Variants in ARHGAP44 observed in about 807,000 individuals in gnomAD.
ARHGAP44 encodes the protein rho GTPase-activating protein 44.
Under a neutral mutation model 106.8 loss-of-function variants are expected in ARHGAP44, and 43 were observed. That is an observed-to-expected ratio of 0.40 (90% CI 0.32 to 0.52). ARHGAP44 has a LOEUF of 0.52. ARHGAP44 is among the 20% of genes least tolerant of loss of function. ARHGAP44 has a pLI of 0.48. For missense variants in ARHGAP44, 866 were observed against 1,050.5 expected (o/e 0.82, Z 2.43); for synonymous variants, 439 against 410.3 (o/e 1.07, Z -0.85).
rs1157325814 is a variant in ARHGAP44, at chr17:12,978,036, C to CAAAAAAAAAAAAAAAAAAA, written c.1764-2020_1764-2002dup. Among the ~76,000 whole-genome samples, 26 of 89,298 alleles carry CAAAAAAAAAAAAAAAAAAA rather than the reference C, an allele frequency of 2.9e-4. 1 individual carries two copies. The highest frequency in any genetic ancestry group is 1.1e-3 in the African/African-American group (24 of 21,024). 58.6% of individuals were successfully genotyped at this position (89,298 alleles called of 152,430 possible). A position where few individuals can be genotyped will look rare whatever the true frequency, so the allele number is the denominator to read the frequency against. On this transcript the variant is annotated intron_variant, in intron 18 of 20. Coordinates refer to ENST00000379672, the MANE Select transcript of ARHGAP44 (RefSeq NM_014859.6). The stretch of plus-strand genomic sequence containing the variant: ...TGGGCAACAGAGCAAGACTCCATCT[C>CAAAAAAAAAAAAAAAAAAA]AAAAAAAAAAAAAAAAAAAAGTGTG...
intron 1 of ARHGAP44, among the ~76,000 whole-genome samples, chr17:12,820,290 G>A (rs1221108462): frequency 6.6e-6 from 1 of 151,870 alleles, no homozygotes; most frequent in Non-Finnish European, 1.5e-5. Context: ...CATGGGGTAC[G>A]TTGTGATGTT....
At chr17:12,983,232 T>C (rs1041322669) in intron 19 of ARHGAP44, among the ~76,000 whole-genome samples, 10 of 123,956 alleles carry the variant, frequency 8.1e-5, no homozygotes, top group East Asian at 2.5e-4. Context: ...GCCACTGCAC[T>C]CCAGCCTGGG....
rs59331390 is a variant in ARHGAP44 at position 12,876,909 on chromosome 17, C to CAA, written c.54-18013_54-18012dup. 2.9e-3 allele frequency among the ~76,000 whole-genome samples: 266 copies of CAA among 90,656 alleles called. 5 individuals are homozygous for CAA. The East Asian group carries it at 0.07, about 24-fold the overall frequency. The allele number at this position is 90,656 out of a possible 152,430, so 59.5% of individuals were successfully genotyped here. ...CTGGTGACAGAGTGAGACTCCGTCT[C>CAA]AAAAAAAAAAAAAAAAAAAGAAGAA... On this transcript the variant is annotated intron_variant, in intron 1 of 20. Transcript: ENST00000379672.
intron 3 of ARHGAP44, among the ~76,000 whole-genome samples, chr17:12,900,651 C>T (rs1436742091): frequency 6.6e-6 from 1 of 152,144 alleles, no homozygotes; most frequent in African/African-American, 2.4e-5. Context: ...ATGCCAAGTG[C>T]TGAGCCAGCT....
At chr17:12,841,698 C>T (rs2035413314) in intron 1 of ARHGAP44, among the ~76,000 whole-genome samples, 1 of 151,704 alleles carries the variant, frequency 6.6e-6, no homozygotes, top group East Asian at 1.9e-4. Flanking sequence ...CGCAGGGGCT[C>T]CATTCTTACT....
intron 1 of ARHGAP44, among the ~76,000 whole-genome samples, chr17:12,858,451 G>T (rs986408824): frequency 6.6e-6 from 1 of 152,204 alleles, no homozygotes; most frequent in Non-Finnish European, 1.5e-5. Context: ...TAAGCATGAG[G>T]TCAGACTAAA....
At chr17:12,883,177 T>C (rs2036787597) in intron 1 of ARHGAP44, among the ~76,000 whole-genome samples, 2 of 151,204 alleles carry the variant, frequency 1.3e-5, no homozygotes, top group Admixed American at 6.6e-5. Flanking sequence ...TTGTCTAAGT[T>C]TTTTTTTTAA....
chr17:12,837,346 A>G (rs987411729), intron 1 of ARHGAP44, among the ~76,000 whole-genome samples: 67 of 152,332 alleles, frequency 4.4e-4, no homozygotes, highest in African/African-American at 1.5e-3. Flanking sequence ...ATTATTACAC[A>G]TTGTATGCCT....
chr17:12,827,392 TA>T (rs2034951952), intron 1 of ARHGAP44, among the ~76,000 whole-genome samples: 1 of 152,124 alleles, frequency 6.6e-6, no homozygotes, highest in South Asian at 2.1e-4. Flanking sequence ...GATAAGAAAA[TA>T]AAGTTATAAG....
intron 1 of ARHGAP44, among the ~76,000 whole-genome samples, chr17:12,830,256 C>A (rs1011610882): frequency 6.6e-6 from 1 of 152,074 alleles, no homozygotes; most frequent in Admixed American, 6.6e-5. Context: ...TAAGATGCTC[C>A]GTTGAGAAAA....
intron 1 of ARHGAP44, among the ~76,000 whole-genome samples, chr17:12,815,213 G>A (rs2150786206): frequency 6.6e-6 from 1 of 152,264 alleles, no homozygotes; most frequent in Non-Finnish European, 1.5e-5. Flanking sequence ...ATAGAAGAGG[G>A]AGGAGAAGCA....
intron 1 of ARHGAP44, among the ~76,000 whole-genome samples, chr17:12,894,708 G>A (rs1048996853): frequency 3.9e-5 from 6 of 152,120 alleles, no homozygotes; most frequent in African/African-American, 1.4e-4. Context: ...CATGAATCCA[G>A]GTTCCAATCT....
chr17:12,974,934 C>T (rs780073975), intron 18 of ARHGAP44, among the ~76,000 whole-genome samples: 1 of 151,130 alleles, frequency 6.6e-6, no homozygotes, highest in Admixed American at 6.6e-5. Flanking sequence ...ACTGCAACCT[C>T]CGCCTTACAG....
chr17:12,923,526 G>A (rs946774758), intron 6 of ARHGAP44, among the ~76,000 whole-genome samples: 4 of 152,174 alleles, frequency 2.6e-5, no homozygotes, highest in African/African-American at 9.7e-5. Flanking sequence ...CGCTTTGGGG[G>A]ATTGTTGACA....
chr17:12,796,473 C>T (rs2033923924), intron 1 of ARHGAP44, among the ~76,000 whole-genome samples: 1 of 152,222 alleles, frequency 6.6e-6, no homozygotes, highest in South Asian at 2.1e-4. Flanking sequence ...ACTACTTTCA[C>T]TGCAGCCTTG....
At position 12,940,934 on chromosome 17, in the gene ARHGAP44, A is replaced by C; in HGVS notation, c.583-122A>C. On this transcript the variant is annotated intron_variant, in intron 7 of 20. Coordinates refer to ENST00000379672, the MANE Select transcript of ARHGAP44 (RefSeq NM_014859.6). The stretch of plus-strand genomic sequence containing the variant: ...GCCCATGGAAAGTTTGTATCATATC[A>C]AGTATTAAAAAGGAGATTAAGCAGT... 1.1e-5 allele frequency: 8 copies of C among 722,306 alleles called. 1 individual carries two copies. The South Asian group carries it at 1.8e-4, about 17-fold the overall frequency. 44.7% of individuals were successfully genotyped at this position (722,306 alleles called of 1,614,324 possible).
At chr17:12,946,148 TA>T (rs2038845716) in intron 10 of ARHGAP44, among the ~76,000 whole-genome samples, 1 of 152,142 alleles carries the variant, frequency 6.6e-6, no homozygotes, top group Non-Finnish European at 1.5e-5. Context: ...CTGAAATTTT[TA>T]AAAAAATTAT....
intron 8 of ARHGAP44, among the ~76,000 whole-genome samples, chr17:12,941,413 T>A (rs1350974751): frequency 1.3e-5 from 2 of 152,108 alleles, no homozygotes; most frequent in Non-Finnish European, 2.9e-5. Context: ...CTGGAGACAT[T>A]TTTGATTGTC....
intron 3 of ARHGAP44, among the ~76,000 whole-genome samples, chr17:12,902,929 C>T (rs2037416176): frequency 6.6e-6 from 1 of 151,972 alleles, no homozygotes; most frequent in Non-Finnish European, 1.5e-5. Context: ...TAGCAGTGGC[C>T]CGCTATTAGA....
Sources: gnomAD v4.1 joint callset for allele counts (sites outside exome capture counted in the v4.1 genomes callset) on GRCh38, gnomAD v4.1.1 for gene constraint, MANE v1.5 for transcripts, NCBI Gene and HGNC (gene_info 2026-07-23, HGNC 2026-07-21) for gene names.